SLC4A5: variants seen among roughly 807,000 people sequenced by gnomAD.
SLC4A5 encodes electrogenic sodium bicarbonate cotransporter 4.
SLC4A5 carries 96 observed loss-of-function variants against 120.4 expected under a neutral mutation model. The observed-to-expected ratio is 0.80, with a 90% CI of 0.68 to 0.94. The LOEUF (loss-of-function observed/expected upper bound fraction) is 0.94. Ranked by LOEUF, SLC4A5 falls within the 40% of genes least tolerant of loss-of-function variation. The pLI is 0.00. For synonymous variants in SLC4A5, 550 were observed against 571.1 expected (o/e 0.96, Z 0.53); for missense variants, 1,259 against 1,459.5 (o/e 0.86, Z 2.24).
chr2:74,286,584 C>T (rs73948738), intron 7 of SLC4A5, among the ~76,000 whole-genome samples: 2,528 of 152,218 alleles, frequency 0.017, 82 homozygotes, highest in African/African-American at 0.058. Flanking sequence ...CTACTATGTG[C>T]CAAATAAAGC....
chr2:74,338,419 CAGTG>C (rs896898996), intron 3 of SLC4A5, among the ~76,000 whole-genome samples: 3 of 152,174 alleles, frequency 2.0e-5, no homozygotes, highest in African/African-American at 7.2e-5. Flanking sequence ...AATTTTTCAA[CAGTG>C]AGAGAGGAGG....
At chr2:74,288,784 G>A (rs1672066569) in intron 7 of SLC4A5, among the ~76,000 whole-genome samples, 2 of 152,164 alleles carry the variant, frequency 1.3e-5, no homozygotes, top group African/African-American at 4.8e-5. Context: ...AAGCTCGGCA[G>A]CCTTCTCAAG....
intron 26 of SLC4A5, chr2:74,227,405 C>A: frequency 6.9e-7 from 1 of 1,446,344 alleles, no homozygotes; most frequent in South Asian, 1.3e-5. Flanking sequence ...TTAATTGTAA[C>A]ACAAACTGTT....
In SLC4A5 at chr2:74,259,704, T is replaced by A. The variant is rs985577626; in HGVS notation, c.812-61A>T. ...GCCAGGCTCTTGCAGGTCCCTTTCCTATGGGCCCTACTCATGTACCTCTCC... is the reference window on the plus strand; with the variant it reads ...GCCAGGCTCTTGCAGGTCCCTTTCCAATGGGCCCTACTCATGTACCTCTCC... On this transcript the variant is annotated intron_variant, in intron 11 of 30. Transcript: ENST00000394019. 3.7e-5 allele frequency: 56 copies of A among 1,517,850 alleles called. No individual in the cohort carries two copies. The South Asian group carries it at 6.1e-4, about 16-fold the overall frequency. The allele number at this position is 1,517,850 out of a possible 1,614,324, so 94.0% of individuals were successfully genotyped here.
intron 22 of SLC4A5, 40 bp downstream of exon 22, chr2:74,235,061 C>G: frequency 4.7e-6 from 7 of 1,479,952 alleles, no homozygotes; most frequent in Non-Finnish European, 6.6e-6. Flanking sequence ...AGCTGGTAGG[C>G]AGGCAGACTG....
intron 6 of SLC4A5, among the ~76,000 whole-genome samples, chr2:74,313,115 C>G (rs1672860379): frequency 6.7e-6 from 1 of 150,298 alleles, no homozygotes; most frequent in Non-Finnish European, 1.5e-5. Flanking sequence ...AAACTCCTAG[C>G]CTCAAACAAT....
intron 8 of SLC4A5, among the ~76,000 whole-genome samples, chr2:74,272,053 G>T (rs7593190): frequency 0.35 from 52,496 of 151,994 alleles, 12,964 homozygotes; most frequent in East Asian, 0.75. Context: ...CAATGAAGCT[G>T]AAGTGACAGA....
chr2:74,308,654 T>G (rs533860285), intron 6 of SLC4A5, among the ~76,000 whole-genome samples: 1 of 152,294 alleles, frequency 6.6e-6, no homozygotes. Context: ...AAATATTTTC[T>G]CCTGGTCTGT....
chr2:74,277,730 A>G (rs565953894), intron 8 of SLC4A5, among the ~76,000 whole-genome samples: 4 of 152,110 alleles, frequency 2.6e-5, no homozygotes, highest in Admixed American at 1.3e-4. Context: ...CAGAAATATG[A>G]TATTTTTGAG....
intron 29 of SLC4A5, among the ~76,000 whole-genome samples, chr2:74,222,267 C>T (rs944375919): frequency 3.9e-5 from 6 of 152,146 alleles, no homozygotes; most frequent in African/African-American, 1.4e-4. Flanking sequence ...AGAAGAGGGC[C>T]AGGAGATGCC....
chr2:74,309,605 A>C (rs1053517814), intron 6 of SLC4A5, among the ~76,000 whole-genome samples: 1 of 152,150 alleles, frequency 6.6e-6, no homozygotes, highest in African/African-American at 2.4e-5. Context: ...CTATAGATCA[A>C]GTTGGGGAGA....
At position 74,307,997 on chromosome 2, in the gene SLC4A5, G is replaced by C; in HGVS notation, c.80-3317C>G. The C allele has an allele frequency of 3.6e-6, 2 of 551,034 alleles. 1 individual carries two copies. The highest frequency in any genetic ancestry group is 2.8e-5 in the South Asian group (2 of 70,882). The allele number at this position is 551,034 out of a possible 1,614,324, so 34.1% of individuals were successfully genotyped here. A position where few individuals can be genotyped will look rare whatever the true frequency, so the allele number is the denominator to read the frequency against. ...AGTTGGAGGAGAAGGTGGAACGAGT[G>C]GTGAAGCTCATGCTGTCCGGGGAGG... On this transcript the variant is annotated intron_variant, in intron 6 of 30. Coordinates refer to ENST00000394019, the Ensembl canonical transcript of SLC4A5.
chr2:74,315,058 T>TCA, intron 5 of SLC4A5, 33 bp from the exon 6 acceptor site: 2 of 1,545,610 alleles, frequency 1.3e-6, no homozygotes, highest in East Asian at 4.5e-5. Flanking sequence ...CCTCAAAATG[T>TCA]ATACATTAAA....
chr2:74,341,411 C>A (rs1673622186), intron 2 of SLC4A5, among the ~76,000 whole-genome samples: 1 of 152,024 alleles, frequency 6.6e-6, no homozygotes, highest in Admixed American at 6.6e-5. Flanking sequence ...TGGAACAGTG[C>A]ACATTAGCTT....
At chr2:74,245,164 C>T (rs747466918) in intron 19 of SLC4A5, among the ~76,000 whole-genome samples, 1 of 151,954 alleles carries the variant, frequency 6.6e-6, no homozygotes, top group Non-Finnish European at 1.5e-5. Flanking sequence ...ACTAAAAATA[C>T]AAAAATTAGC....
exon 29 of SLC4A5, chr2:74,222,881 G>T: frequency 6.2e-7 from 1 of 1,613,394 alleles, no homozygotes; most frequent in Non-Finnish European, 8.5e-7. Context: ...CAATGCAGTG[G>T]ATACCGTTTT....
intron 8 of SLC4A5, among the ~76,000 whole-genome samples, chr2:74,270,589 C>T (rs1176018384): frequency 2.6e-5 from 4 of 152,190 alleles, no homozygotes; most frequent in African/African-American, 4.8e-5. Flanking sequence ...AGGAGAATGG[C>T]GTGAACCCGG....
At chr2:74,247,061 C>T (rs1352074651) in exon 19 of SLC4A5, 30 of 1,614,100 alleles carry the variant, frequency 1.9e-5, no homozygotes, top group Non-Finnish European at 2.5e-5. Context: ...CACACTCGCA[C>T]TTGTAGGTAG....
intron 29 of SLC4A5, 37 bp downstream of exon 29, chr2:74,222,828 CTAG>C (rs1202837668): frequency 5.3e-6 from 8 of 1,502,510 alleles, no homozygotes; most frequent in Non-Finnish European, 5.6e-6. Flanking sequence ...ACATGGAGGA[CTAG>C]TAGTAAGAAG....
Sources: allele counts gnomAD v4.1 joint callset (sites outside exome capture counted in the v4.1 genomes callset), GRCh38; gene constraint gnomAD v4.1.1; transcripts MANE v1.5; gene names NCBI Gene and HGNC (gene_info 2026-07-23, HGNC 2026-07-21).